Variants in SIM2 observed in about 807,000 individuals in gnomAD.
The protein encoded by SIM2 is SIM bHLH transcription factor 2, also known as single-minded homolog 2.
In SIM2, 28 loss-of-function variants were observed where a neutral mutation model predicts 64.8. That is an observed-to-expected ratio of 0.43 (90% confidence interval 0.32 to 0.59). The LOEUF (loss-of-function observed/expected upper bound fraction) is 0.59. Among genes scored for constraint, SIM2 ranks in the 20% least tolerant of loss-of-function variants. The pLI, the probability that SIM2 is intolerant of heterozygous loss-of-function variation, is 0.07. For missense variants in SIM2, 847 were observed against 871.4 expected (o/e 0.97, Z 0.35); for synonymous variants, 408 against 391.1 (o/e 1.04, Z -0.51).
intron 7 of SIM2, among the ~76,000 whole-genome samples, chr21:36,736,488 G>A (rs1477083339): frequency 6.6e-6 from 1 of 152,192 alleles, no homozygotes; most frequent in Non-Finnish European, 1.5e-5. Flanking sequence ...TGAAGAAATC[G>A]CAGCCCCTAA....
rs537543938 is a variant in SIM2 at position 36,747,343 on chromosome 21, CAA to C, written c.1577-309_1577-308del. On this transcript the variant is annotated intron_variant, in intron 10 of 10. Coordinates refer to ENST00000290399, the MANE Select transcript of SIM2 (RefSeq NM_005069.6). The surrounding 1 kb of genome is among the most constrained non-coding windows in gnomAD (Gnocchi z 4.5). ...TGACCTGCGCTCTGCATCTCAGGAC[CAA>C]AAAAAAAAAAAAGAAAATATCCCAA... is the stretch of plus-strand genomic sequence containing the variant. Among the ~76,000 whole-genome samples, 45 of 117,358 alleles carry C rather than the reference CAA, an allele frequency of 3.8e-4. No homozygotes were observed. The highest frequency in any genetic ancestry group is 3.5e-4 in the Admixed American group (4 of 11,506). 77.0% of individuals were successfully genotyped at this position (117,358 alleles called of 152,430 possible).
intron 7 of SIM2, among the ~76,000 whole-genome samples, chr21:36,737,821 CGTGGTGGCATTCGCCT>C (rs1414811992): frequency 1.3e-5 from 2 of 151,546 alleles, no homozygotes; most frequent in Non-Finnish European, 2.9e-5. Context: ...CTTAGCCGGG[CGTGGTGGCATTCGCCT>C]GTAATCCCAG....
At chr21:36,723,848 C>G (rs2088855293) in intron 5 of SIM2, among the ~76,000 whole-genome samples, 1 of 152,232 alleles carries the variant, frequency 6.6e-6, no homozygotes, top group South Asian at 2.1e-4. Context: ...TCAGCCGCCC[C>G]CCAGGGAAAA....
Position 36,748,245 on chromosome 21 carries a change from GC to G in SIM2, c.*157del. The G allele has an allele frequency of 5.1e-6, 2 of 393,288 alleles. No homozygotes were observed. The highest frequency in any genetic ancestry group is 1.1e-4 in the South Asian group (1 of 8,892). The allele number at this position is 393,288 out of a possible 1,614,324, so 24.4% of individuals were successfully genotyped here. A position where few individuals can be genotyped will look rare whatever the true frequency, so the allele number is the denominator to read the frequency against. ...CGACTTGCGGATTTCCACCGCGGAG[GC>G]CCCGCGCGCCGGTGCCGAGGGCCGA... On this transcript the variant is annotated 3_prime_UTR_variant, in exon 11 of 11. Transcript: ENST00000290399.
Position 36,746,560 on chromosome 21 carries a change from G to A in SIM2, c.1577-1105G>A, listed in dbSNP as rs892723576. Among the ~76,000 whole-genome samples, 8 of 152,150 alleles carry A rather than the reference G, an allele frequency of 5.3e-5. No homozygotes were observed. In the South Asian group the frequency reaches 6.2e-4, roughly 12 times the overall value. On this transcript the variant is annotated intron_variant, in intron 10 of 10. Coordinates refer to ENST00000290399, the MANE Select transcript of SIM2 (RefSeq NM_005069.6). The stretch of plus-strand genomic sequence containing the variant: ...GAGAGATAGATTACGGGAGAATGCC[G>A]CCTTTCTGGAAATCACTAGGACATG...
intron 1 of SIM2, among the ~76,000 whole-genome samples, chr21:36,702,485 C>T (rs1210217098): frequency 2.0e-5 from 3 of 152,216 alleles, no homozygotes; most frequent in African/African-American, 7.2e-5. Context: ...GACAGCTGCT[C>T]CGGGGCCTTG....
intron 3 of SIM2, among the ~76,000 whole-genome samples, chr21:36,717,141 A>T (rs1215140966): frequency 6.6e-6 from 1 of 152,188 alleles, no homozygotes. Context: ...CTTCAAAAGC[A>T]TGTGTTGAGA....
intron 4 of SIM2, among the ~76,000 whole-genome samples, chr21:36,721,895 G>T (rs926768972): frequency 1.6e-4 from 24 of 152,166 alleles, no homozygotes; most frequent in African/African-American, 4.3e-4. Context: ...CCCTGTTTCT[G>T]TAGCCTTTGA....
intron 7 of SIM2, among the ~76,000 whole-genome samples, chr21:36,740,052 A>AAAGAAAGAAAG (rs2089140940): frequency 7.3e-6 from 1 of 137,078 alleles, no homozygotes; most frequent in African/African-American, 2.5e-5. Flanking sequence ...AGAAAGAAAG[A>AAAGAAAGAAAG]AAGAAAGAGA....
At chr21:36,738,501 G>A (rs556643079) in intron 7 of SIM2, among the ~76,000 whole-genome samples, 4 of 152,182 alleles carry the variant, frequency 2.6e-5, no homozygotes, top group East Asian at 1.9e-4. Flanking sequence ...CCAAGACTCC[G>A]TCTCCAAAAA....
In SIM2 at chr21:36,699,979, C is replaced by G. The variant is rs1273327486; in HGVS notation, c.175+58C>G. 7.3e-6 allele frequency: 11 copies of G among 1,505,316 alleles called. No individual in the cohort carries two copies. The highest frequency in any genetic ancestry group is 2.9e-5 in the African/African-American group (2 of 69,658). 93.2% of individuals were successfully genotyped at this position (1,505,316 alleles called of 1,614,324 possible). On this transcript the variant is annotated intron_variant, in intron 1 of 10. Coordinates refer to ENST00000290399, the MANE Select transcript of SIM2 (RefSeq NM_005069.6). The surrounding 1 kb of genome is among the most constrained non-coding windows in gnomAD (Gnocchi z 5.6). ...GGGAGCCCGGCGGCCCCGGCCCAGG[C>G]GGGAAGCGCAAGCCAGCCCGCCCAG...
chr21:36,747,618 G>C lies in SIM2; in HGVS notation c.1577-47G>C, dbSNP rs900410203. On this transcript the variant is annotated intron_variant, in intron 10 of 10. Coordinates refer to ENST00000290399, the MANE Select transcript of SIM2 (RefSeq NM_005069.6). This position sits in a 1 kb window ranked among gnomAD's most constrained non-coding sequence, Gnocchi z 4.5. ...CCCGGGGCTTGGGGGTGGGGTGGCT[G>C]CGGCCGCGCCCCTTGCTGCCCTCTA... is the stretch of plus-strand genomic sequence containing the variant. The C allele has an allele frequency of 5.1e-6, 6 of 1,183,712 alleles. No homozygotes were observed. In the African/African-American group the frequency reaches 8.0e-5, roughly 16 times the overall value. The allele number at this position is 1,183,712 out of a possible 1,614,324, so 73.3% of individuals were successfully genotyped here. A position where few individuals can be genotyped will look rare whatever the true frequency, so the allele number is the denominator to read the frequency against.
chr21:36,707,941 G>T (rs867826678), intron 1 of SIM2, among the ~76,000 whole-genome samples: 41 of 55,220 alleles, frequency 7.4e-4, no homozygotes, highest in African/African-American at 3.3e-3. Context: ...GGACGGCAGT[G>T]GGGGGCTGGG....
chr21:36,725,663 T>C (rs1387152642), intron 5 of SIM2, among the ~76,000 whole-genome samples: 1 of 152,148 alleles, frequency 6.6e-6, no homozygotes, highest in African/African-American at 2.4e-5. Flanking sequence ...TTTGTTACCC[T>C]GGCTGGAGTG....
At chr21:36,742,653 C>T (rs1299098395) in intron 8 of SIM2, among the ~76,000 whole-genome samples, 1 of 152,170 alleles carries the variant, frequency 6.6e-6, no homozygotes, top group Non-Finnish European at 1.5e-5. Context: ...TACGTTCAAT[C>T]ACCTTGCTCC....
rs142057713 is a variant in SIM2 at position 36,700,199 on chromosome 21, G to A, written c.175+278G>A. On this transcript the variant is annotated intron_variant, in intron 1 of 10. Coordinates refer to ENST00000290399, the MANE Select transcript of SIM2 (RefSeq NM_005069.6). Reference sequence around the variant, plus strand: ...GGGCAGGCAGTCCCCCAGCCCGCACGGCCAGCGAGTTCTTTCTGGTTTTGT... The same window carrying A: ...GGGCAGGCAGTCCCCCAGCCCGCACAGCCAGCGAGTTCTTTCTGGTTTTGT... Among the ~76,000 whole-genome samples, 224 of 152,324 alleles carry A rather than the reference G, an allele frequency of 1.5e-3. 1 individual carries two copies. The Middle Eastern group carries it at 0.031, about 21-fold the overall frequency.
rs181591304 is a variant in SIM2 at position 36,709,440 on chromosome 21, C to G, written c.258+190C>G. 4 of 699,536 alleles carry G rather than the reference C, an allele frequency of 5.7e-6. No individual in the cohort carries two copies. The Admixed American group carries it at 6.0e-5, about 11-fold the overall frequency. 43.3% of individuals were successfully genotyped at this position (699,536 alleles called of 1,614,324 possible). On this transcript the variant is annotated intron_variant, in intron 2 of 10. Coordinates refer to ENST00000290399, the MANE Select transcript of SIM2 (RefSeq NM_005069.6). Reference sequence around the variant, plus strand: ...ATGTCGGATGCGGCCTGCGGCCAACCCTACCCTAACCCTACGTCTGCCCCC... The same window carrying G: ...ATGTCGGATGCGGCCTGCGGCCAACGCTACCCTAACCCTACGTCTGCCCCC...
intron 3 of SIM2, among the ~76,000 whole-genome samples, chr21:36,713,847 C>A (rs1466096005): frequency 6.6e-6 from 1 of 152,182 alleles, no homozygotes; most frequent in East Asian, 1.9e-4. Context: ...TCAGGCAAAA[C>A]CCTTTAAAAT....
chr21:36,730,285 G>C (rs1171759375), intron 6 of SIM2, among the ~76,000 whole-genome samples: 2 of 152,178 alleles, frequency 1.3e-5, no homozygotes, highest in Admixed American at 1.3e-4. Context: ...AAACAGAAAC[G>C]TATTCAGTCC....
Sources: gnomAD v4.1 joint callset for allele counts (sites outside exome capture counted in the v4.1 genomes callset) on GRCh38, gnomAD v4.1.1 for gene constraint, Gnocchi (gnomAD v3.1) non-coding constraint, MANE v1.5 for transcripts, NCBI Gene and HGNC (gene_info 2026-07-23, HGNC 2026-07-21) for gene names.